NCMAP: variants seen among roughly 807,000 people sequenced by gnomAD.
NCMAP encodes noncompact myelin-associated protein.
In NCMAP, 8 loss-of-function variants were observed where a neutral mutation model predicts 7.8. The observed-to-expected ratio is 1.02, with a 90% CI of 0.60 to 1.84. NCMAP has a LOEUF of 1.84. Among genes scored for constraint, NCMAP ranks in the 40% most tolerant of loss-of-function variants. NCMAP has a pLI of 0.00. For synonymous variants in NCMAP, 41 were observed against 52.9 expected, an observed-to-expected ratio of 0.78 and a Z score of 0.98; for missense variants, 112 against 131.4, an observed-to-expected ratio of 0.85 and a Z score of 0.72.
chr1:24,567,896 G>C (rs1487313270), intron 1 of NCMAP, among the ~76,000 whole-genome samples: 1 of 152,128 alleles, frequency 6.6e-6, no homozygotes, highest in Non-Finnish European at 1.5e-5. Context: ...GGCGGGGGCT[G>C]AAGTGTAAAG....
chr1:24,574,854 G>A (rs1019248625), intron 1 of NCMAP, among the ~76,000 whole-genome samples: 1 of 146,174 alleles, frequency 6.8e-6, no homozygotes, highest in Non-Finnish European at 1.5e-5. Flanking sequence ...GGAGTGCAAT[G>A]GCATGATCTC....
chr1:24,596,299 G>A (rs964811158), intron 2 of NCMAP, among the ~76,000 whole-genome samples: 2 of 151,840 alleles, frequency 1.3e-5, no homozygotes, highest in African/African-American at 4.8e-5. Context: ...CTACTACTAC[G>A]ATTGCTATTG....
intron 1 of NCMAP, among the ~76,000 whole-genome samples, chr1:24,585,605 A>G (rs1651859316): frequency 6.6e-6 from 1 of 152,158 alleles, no homozygotes; most frequent in African/African-American, 2.4e-5. Flanking sequence ...CAGGAAAACC[A>G]AGGTCCAGGG....
chr1:24,591,573 C>T (rs549469207), intron 1 of NCMAP, among the ~76,000 whole-genome samples: 25 of 152,280 alleles, frequency 1.6e-4, no homozygotes, highest in Admixed American at 3.3e-4. Flanking sequence ...TGGCCTGGGC[C>T]GTGTCTTGAA....
rs564799547 is a variant in NCMAP at position 24,602,802 on chromosome 1, C to T, written c.167+1778C>T. Among the ~76,000 whole-genome samples, 705 of 151,552 alleles carry T rather than the reference C, an allele frequency of 4.7e-3. 3 individuals carry two copies. The highest frequency in any genetic ancestry group is 6.8e-3 in the Non-Finnish European group (460 of 67,916). ...GGGCGTGGTGGCTCACACCTGTAAT[C>T]TCAGCACTTTGGGAGGCTGAGGCGG... On this transcript the variant is annotated intron_variant, in intron 3 of 3. Transcript: ENST00000374392.
chr1:24,577,420 T>TTTTG (rs1651615140), intron 1 of NCMAP, among the ~76,000 whole-genome samples: 1 of 143,750 alleles, frequency 7.0e-6, no homozygotes, highest in African/African-American at 2.5e-5. Flanking sequence ...TTTTTTTTTT[T>TTTTG]TTTTTTTTTT....
At chr1:24,557,446 C>CGTGTGTGCGT (rs1049726178) in intron 1 of NCMAP, among the ~76,000 whole-genome samples, 1 of 150,854 alleles carries the variant, frequency 6.6e-6, no homozygotes, top group Admixed American at 6.6e-5. Flanking sequence ...GGTGTGTGCA[C>CGTGTGTGCGT]GTGTGTGCGT....
intron 1 of NCMAP, among the ~76,000 whole-genome samples, chr1:24,561,409 T>G (rs1249891540): frequency 5.9e-5 from 9 of 152,078 alleles, no homozygotes. Context: ...TATCAAAACA[T>G]CTTCTTCAAC....
chr1:24,560,754 A>G (rs991395030), intron 1 of NCMAP, among the ~76,000 whole-genome samples: 10 of 151,858 alleles, frequency 6.6e-5, no homozygotes, highest in Non-Finnish European at 1.5e-4. Context: ...ATAGAAAAAA[A>G]AAAAAGCAGT....
At position 24,599,618 on chromosome 1, in the gene NCMAP, C is replaced by T. The variant is rs61776505; in HGVS notation, c.83-1322C>T. 8.1e-3 allele frequency among the ~76,000 whole-genome samples: 1,239 copies of T among 152,268 alleles called. 5 individuals are homozygous for T. Among genetic ancestry groups the T allele is most frequent in the Non-Finnish European group, 0.013 (898 of 68,012 alleles). Reference sequence around the variant, plus strand: ...TTTGAGAAGGAGTCTTGCTCTGTCGCCCAGGCTAGAGTGCAGTGGCACGAT... The same window carrying T: ...TTTGAGAAGGAGTCTTGCTCTGTCGTCCAGGCTAGAGTGCAGTGGCACGAT... On this transcript the variant is annotated intron_variant, in intron 2 of 3. Coordinates refer to ENST00000374392, the MANE Select transcript of NCMAP (RefSeq NM_001010980.5).
At chr1:24,597,617 G>GAAAGAGAAAGAA (rs1322815675) in intron 2 of NCMAP, among the ~76,000 whole-genome samples, 2 of 87,484 alleles carry the variant, frequency 2.3e-5, no homozygotes, top group African/African-American at 9.4e-5. Context: ...AAGAAAGAAA[G>GAAAGAGAAAGAA]AGAAAGAAAG....
intron 2 of NCMAP, among the ~76,000 whole-genome samples, chr1:24,596,172 C>T (rs1482610793): frequency 6.6e-6 from 1 of 152,020 alleles, no homozygotes; most frequent in African/African-American, 2.4e-5. Flanking sequence ...ACTCAGGAGG[C>T]TGAGGCAGGA....
chr1:24,589,227 G>A (rs1205417867), intron 1 of NCMAP, among the ~76,000 whole-genome samples: 1 of 152,080 alleles, frequency 6.6e-6, no homozygotes, highest in East Asian at 1.9e-4. Context: ...TGTCAGTGAA[G>A]ACTGGCCTCC....
At chr1:24,578,872 C>T (rs1194434906) in intron 1 of NCMAP, among the ~76,000 whole-genome samples, 1 of 152,108 alleles carries the variant, frequency 6.6e-6, no homozygotes, top group Non-Finnish European at 1.5e-5. Context: ...TGACTGAGAG[C>T]TTTGTTTTCT....
chr1:24,595,005 T>C (rs187943550), intron 1 of NCMAP, among the ~76,000 whole-genome samples: 8 of 150,416 alleles, frequency 5.3e-5, no homozygotes, highest in African/African-American at 2.0e-4. Context: ...CAAGTGTCAC[T>C]GCAGCGTGGA....
chr1:24,593,007 C>T (rs1310987077), intron 1 of NCMAP, among the ~76,000 whole-genome samples: 2 of 151,810 alleles, frequency 1.3e-5, no homozygotes, highest in African/African-American at 2.4e-5. Context: ...GTGGTGAAAC[C>T]CCATACTACT....
At chr1:24,577,623 G>T (rs1048566731) in intron 1 of NCMAP, among the ~76,000 whole-genome samples, 2 of 151,742 alleles carry the variant, frequency 1.3e-5, no homozygotes, top group Admixed American at 1.3e-4. Flanking sequence ...GAGATTGCTG[G>T]CACTCATTTG....
chr1:24,594,080 C>CG (rs1267958203), intron 1 of NCMAP, among the ~76,000 whole-genome samples: 2 of 151,746 alleles, frequency 1.3e-5, no homozygotes, highest in African/African-American at 4.8e-5. Flanking sequence ...TTAGTAGAGA[C>CG]GGGGTTTCAC....
chr1:24,591,188 A>G (rs1652036478), intron 1 of NCMAP, among the ~76,000 whole-genome samples: 1 of 152,162 alleles, frequency 6.6e-6, no homozygotes, highest in Admixed American at 6.5e-5. Context: ...CTTTGCAGGG[A>G]GCTGCTGTGG....
Sources: allele counts gnomAD v4.1 joint callset (sites outside exome capture counted in the v4.1 genomes callset), GRCh38; gene constraint gnomAD v4.1.1; transcripts MANE v1.5; gene names NCBI Gene and HGNC (gene_info 2026-07-23, HGNC 2026-07-21).